The following CHN2 variants were observed in gnomAD, a reference collection of about 807,000 sequenced individuals.
CHN2 encodes the protein chimerin 2, also known as beta-chimaerin.
CHN2 carries 35 observed loss-of-function variants against 56.3 expected under a neutral mutation model. The ratio of observed to expected loss-of-function variants is 0.62; its 90% CI spans 0.47 to 0.82. The LOEUF (loss-of-function observed/expected upper bound fraction) is 0.82. Among genes scored for constraint, CHN2 ranks in the 40% least tolerant of loss-of-function variants. CHN2 has a pLI of 0.00. For missense variants in CHN2, 491 were observed against 580.5 expected, an observed-to-expected ratio of 0.85 and a Z score of 1.58; for synonymous variants, 210 against 212.8, an observed-to-expected ratio of 0.99 and a Z score of 0.12.
chr7:29,435,740 A>G (rs1490422269), intron 6 of CHN2, among the ~76,000 whole-genome samples: 1 of 152,198 alleles, frequency 6.6e-6, no homozygotes, highest in Non-Finnish European at 1.5e-5. Flanking sequence ...TAACTCTGAT[A>G]CAGGCTGTAG....
chr7:29,492,451 C>G (rs1788768619), intron 7 of CHN2, among the ~76,000 whole-genome samples: 1 of 152,084 alleles, frequency 6.6e-6, no homozygotes, highest in African/African-American at 2.4e-5. Flanking sequence ...TGTTCTTCTC[C>G]TTAAATATAT....
At chr7:29,291,632 C>T (rs1413538037) in intron 1 of CHN2, among the ~76,000 whole-genome samples, 1 of 151,990 alleles carries the variant, frequency 6.6e-6, no homozygotes, top group African/African-American at 2.4e-5. Flanking sequence ...TTTTTTTTAA[C>T]CAGTCAACTA....
intron 1 of CHN2, among the ~76,000 whole-genome samples, chr7:29,214,332 A>G (rs771343162): frequency 6.6e-6 from 1 of 152,124 alleles, no homozygotes. Flanking sequence ...TTTCCTATGC[A>G]GGAGCTGGAG....
At chr7:29,162,254 C>G (rs1249407276) in intron 2 of CHN2, among the ~76,000 whole-genome samples, 1 of 152,048 alleles carries the variant, frequency 6.6e-6, no homozygotes, top group Non-Finnish European at 1.5e-5. Context: ...CGGAAATGAC[C>G]CAAATGCTCT....
chr7:29,202,453 A>G (rs930211513), intron 1 of CHN2, among the ~76,000 whole-genome samples: 2 of 152,216 alleles, frequency 1.3e-5, no homozygotes, highest in Admixed American at 1.3e-4. Flanking sequence ...AACTTCTGTT[A>G]CCATCCTCAA....
At chr7:29,499,189 TCATCA>T (rs1472201280) in intron 8 of CHN2, among the ~76,000 whole-genome samples, 5 of 152,208 alleles carry the variant, frequency 3.3e-5, no homozygotes, top group Admixed American at 3.3e-4. Context: ...TTATAAATAA[TCATCA>T]CATTACATTA....
At chr7:29,235,686 C>T (rs984979432) in intron 1 of CHN2, among the ~76,000 whole-genome samples, 1 of 152,190 alleles carries the variant, frequency 6.6e-6, no homozygotes, top group Non-Finnish European at 1.5e-5. Context: ...TACATGTGCA[C>T]CATGGAATAC....
At chr7:29,169,637 G>T (rs1562805316) in intron 2 of CHN2, among the ~76,000 whole-genome samples, 2 of 152,012 alleles carry the variant, frequency 1.3e-5, no homozygotes, top group African/African-American at 4.8e-5. Context: ...TTTGGCTTCT[G>T]CCTTTTCATG....
chr7:29,276,165 G>A (rs1225730853), intron 1 of CHN2, among the ~76,000 whole-genome samples: 18 of 81,630 alleles, frequency 2.2e-4, no homozygotes, highest in Non-Finnish European at 4.1e-4. Flanking sequence ...GAGATCAGAT[G>A]CAAGAGCTTT....
chr7:29,257,504 C>T (rs1009500875), intron 1 of CHN2, among the ~76,000 whole-genome samples: 2 of 152,232 alleles, frequency 1.3e-5, no homozygotes, highest in African/African-American at 4.8e-5. Context: ...CTCCTTTCCA[C>T]TCCTCCACAT....
intron 1 of CHN2, among the ~76,000 whole-genome samples, chr7:29,311,786 A>G (rs540986314): frequency 1.2e-4 from 18 of 152,360 alleles, no homozygotes; most frequent in Admixed American, 2.6e-4. Context: ...TTGAATGGCT[A>G]TTTAGGCAAC....
rs370511675 is a variant in CHN2, at chr7:29,509,353, G to A, written c.1182G>A (p.Leu394=). The A allele has an allele frequency of 6.2e-7, 1 of 1,614,056 alleles. No homozygotes were observed. Among genetic ancestry groups the A allele is most frequent in the Non-Finnish European group, 8.5e-7 (1 of 1,179,938 alleles). The change falls in exon 12 of 13, where the codon CTG becomes CTA. Residue 394 remains leucine, a synonymous_variant. Transcript: ENST00000222792. ...RLEAVHEVLM[L]LPPAHYETLR... Reference sequence around the variant, plus strand: ...AAGCCGTCCATGAAGTGCTGATGCTGCTGCCTCCTGCCCACTATGAAACCC... The same window carrying A: ...AAGCCGTCCATGAAGTGCTGATGCTACTGCCTCCTGCCCACTATGAAACCC...
At chr7:29,408,995 A>G (rs1028227155) in intron 6 of CHN2, among the ~76,000 whole-genome samples, 1 of 152,242 alleles carries the variant, frequency 6.6e-6, no homozygotes, top group African/African-American at 2.4e-5. Flanking sequence ...ACAAAGGACC[A>G]AACCTAACGG....
chr7:29,333,862 AGT>A (rs967037464), intron 1 of CHN2, among the ~76,000 whole-genome samples: 13 of 152,076 alleles, frequency 8.5e-5, no homozygotes, highest in African/African-American at 3.1e-4. Flanking sequence ...GGACCAGATG[AGT>A]GTGTGTGAGC....
chr7:29,509,508 T>G lies in CHN2; in HGVS notation c.1235+102T>G, dbSNP rs935817869. On this transcript the variant is annotated intron_variant, in intron 12 of 12. Transcript: ENST00000222792. ...CTCCCCAGCCATAACTGCTGGAGTT[T>G]CACTGTGCCAGGAACCACTCCAGGC... is the stretch of plus-strand genomic sequence containing the variant. 8.9e-6 allele frequency: 8 copies of G among 896,152 alleles called. No individual in the cohort carries two copies. The Admixed American group carries it at 9.7e-5, about 11-fold the overall frequency. 55.5% of individuals were successfully genotyped at this position (896,152 alleles called of 1,614,324 possible).
At chr7:29,487,679 A>C (rs1788180632) in intron 7 of CHN2, among the ~76,000 whole-genome samples, 4 of 146,682 alleles carry the variant, frequency 2.7e-5, no homozygotes, top group East Asian at 2.0e-4. Context: ...TCTCCTTCTA[A>C]CTCCCTCCCT....
intron 1 of CHN2, among the ~76,000 whole-genome samples, chr7:29,208,317 GGCA>G (rs1784670758): frequency 1.3e-5 from 2 of 152,134 alleles, no homozygotes; most frequent in Non-Finnish European, 2.9e-5. Context: ...ACCTGAGACA[GGCA>G]CCCCCACAAA....
At chr7:29,241,177 T>G (rs71539597) in intron 1 of CHN2, among the ~76,000 whole-genome samples, 2 of 152,076 alleles carry the variant, frequency 1.3e-5, no homozygotes, top group Non-Finnish European at 2.9e-5. Context: ...TGAGACACAG[T>G]GCCTGGCCTA....
intron 3 of CHN2, among the ~76,000 whole-genome samples, chr7:29,372,746 A>C (rs1264655775): frequency 6.6e-6 from 1 of 152,268 alleles, no homozygotes; most frequent in Non-Finnish European, 1.5e-5. Flanking sequence ...TAACTTAAAC[A>C]CAGACTAAAA....
Sources: allele counts gnomAD v4.1 joint callset (sites outside exome capture counted in the v4.1 genomes callset), GRCh38; gene constraint gnomAD v4.1.1; transcripts MANE v1.5; gene names NCBI Gene and HGNC (gene_info 2026-07-23, HGNC 2026-07-21).